FBLN2: variants seen among roughly 807,000 people sequenced by gnomAD.
The protein encoded by FBLN2 is fibulin-2.
FBLN2 carries 81 observed loss-of-function variants against 123.7 expected under a neutral mutation model. That is an observed-to-expected ratio of 0.65 (90% CI 0.55 to 0.79). The LOEUF is 0.79. FBLN2 is among the 30% of genes least tolerant of loss of function. FBLN2 has a pLI of 0.00. For missense variants in FBLN2, 1,603 were observed against 1,681.3 expected (o/e 0.95, Z 0.81); for synonymous variants, 699 against 701.4 (o/e 1.00, Z 0.05).
intron 16 of FBLN2, among the ~76,000 whole-genome samples, chr3:13,634,516 A>G (rs1238460734): frequency 1.3e-5 from 2 of 152,196 alleles, no homozygotes; most frequent in African/African-American, 2.4e-5. Flanking sequence ...CCACCCACAT[A>G]AGCTCCAGGG....
intron 1 of FBLN2, among the ~76,000 whole-genome samples, chr3:13,551,027 C>T (rs543118027): frequency 3.3e-5 from 5 of 152,224 alleles, no homozygotes; most frequent in Non-Finnish European, 7.3e-5. Context: ...TGGTGCTGCC[C>T]ACCCCCAACC....
rs1234577284 is a variant in FBLN2, at chr3:13,621,933, C to A, written c.2296+18C>A. On this transcript the variant is annotated intron_variant, in intron 9 of 17. Coordinates refer to ENST00000404922, the MANE Select transcript of FBLN2 (RefSeq NM_001004019.2). Reference sequence around the variant, plus strand: ...GTGCGTGGGTAAGCCAGGGCCCCGCCTGCCGCCCGCCGTCACAGCTCTCCG... The same window carrying A: ...GTGCGTGGGTAAGCCAGGGCCCCGCATGCCGCCCGCCGTCACAGCTCTCCG... 1 of 1,605,648 alleles carries A rather than the reference C, an allele frequency of 6.2e-7. No individual in the cohort carries two copies. Among genetic ancestry groups the A allele is most frequent in the Admixed American group, 1.7e-5 (1 of 59,768 alleles).
intron 2 of FBLN2, among the ~76,000 whole-genome samples, chr3:13,582,562 G>A (rs1293046206): frequency 1.3e-5 from 2 of 152,198 alleles, no homozygotes; most frequent in Non-Finnish European, 2.9e-5. Flanking sequence ...CTGGGAAAGT[G>A]GGCTTGGGGC....
Position 13,636,557 on chromosome 3 carries a change from A to C in FBLN2, c.3327A>C (p.Gln1109His). ...TCGAGTGTCCTCCCAACTATGTCCAAGTCTCCAAAACGTGAGTGTCCCCAC... is the reference window on the plus strand; with the variant it reads ...TCGAGTGTCCTCCCAACTATGTCCACGTCTCCAAAACGTGAGTGTCCCCAC... ...LRFECPPNYVQVSKTKCERTT... is the reference protein window; with the variant it reads ...LRFECPPNYVHVSKTKCERTT... The change falls in exon 17 of 18, where the codon CAA (glutamine) becomes CAC (histidine). Residue 1109 changes from glutamine (Q) to histidine (H), a missense_variant. Coordinates refer to ENST00000404922, the MANE Select transcript of FBLN2 (RefSeq NM_001004019.2). 1.2e-6 allele frequency: 2 copies of C among 1,613,354 alleles called. No individual in the cohort carries two copies. The highest frequency in any genetic ancestry group is 1.7e-6 in the Non-Finnish European group (2 of 1,179,666).
chr3:13,636,696 CTG>C, intron 17 of FBLN2, 128 bp downstream of exon 17: 2 of 1,188,750 alleles, frequency 1.7e-6, no homozygotes, highest in Non-Finnish European at 2.3e-6. Flanking sequence ...ACTGCTGGGT[CTG>C]TGGGCTAGGT....
chr3:13,615,004 CCATCCATCCATCCATCCATG>C (rs1462500015), intron 5 of FBLN2, among the ~76,000 whole-genome samples: 1 of 150,512 alleles, frequency 6.6e-6, no homozygotes, highest in Non-Finnish European at 1.5e-5. Flanking sequence ...ATCCATCCAT[CCATCCATCCATCCATCCATG>C]CATCCATCCT....
At position 13,570,602 on chromosome 3, in the gene FBLN2, G is replaced by A. The variant is rs372790466; in HGVS notation, c.247G>A (p.Val83Met). 2.2e-5 allele frequency: 35 copies of A among 1,575,054 alleles called. No individual in the cohort carries two copies. The highest frequency in any genetic ancestry group is 7.0e-5 in the South Asian group (6 of 86,242). ...ACAGGGTGGCTTCGTGCGCGGCCGC[G>A]TGCCCGCCGGTCAGTCCTATTTTGT... ...CLQGGFVRGR[V>M]PAGQSYFVDF... The change falls in exon 2 of 18, where the codon GTG becomes ATG. Residue 83 changes from valine (V) to methionine (M), a missense_variant. By Grantham distance (21) the Val-to-Met change is conservative (BLOSUM62 1). Coordinates refer to ENST00000404922, the MANE Select transcript of FBLN2 (RefSeq NM_001004019.2).
rs182311607 is a variant in FBLN2, at chr3:13,585,800, A to C, written c.1306+14139A>C. Among the ~76,000 whole-genome samples the C allele has an allele frequency of 3.3e-5, 5 of 152,328 alleles. No individual in the cohort carries two copies. The South Asian group carries it at 6.2e-4, about 19-fold the overall frequency. On this transcript the variant is annotated intron_variant, in intron 2 of 17. Transcript: ENST00000404922. ...GAGTGAAACTCTGTCTCAAAAAAGC[A>C]AAACAAAACAAAACAAAAAGCCTAG...
At chr3:13,619,345 G>A (rs193259771) in intron 7 of FBLN2, among the ~76,000 whole-genome samples, 1 of 152,076 alleles carries the variant, frequency 6.6e-6, no homozygotes, top group Admixed American at 6.5e-5. Context: ...TCAGCGCTGT[G>A]TAGAAAGTCC....
intron 2 of FBLN2, among the ~76,000 whole-genome samples, chr3:13,582,742 C>T (rs115709545): frequency 0.027 from 4,090 of 152,338 alleles, 93 homozygotes; most frequent in Middle Eastern, 0.11. Flanking sequence ...GAGGAGCAGG[C>T]GGGCTAACGG....
intron 2 of FBLN2, among the ~76,000 whole-genome samples, chr3:13,581,625 C>T (rs1704334883): frequency 6.6e-6 from 1 of 152,160 alleles, no homozygotes; most frequent in Non-Finnish European, 1.5e-5. Flanking sequence ...GTCAAGGCTC[C>T]TGGCCACGAG....
intron 8 of FBLN2, 56 bp downstream of exon 8, chr3:13,619,887 G>A (rs1330885411): frequency 2.8e-6 from 4 of 1,411,638 alleles, no homozygotes; most frequent in South Asian, 2.5e-5. Flanking sequence ...CCTGTGATGG[G>A]GGCCTCCAGG....
At chr3:13,582,877 G>A (rs1168062215) in intron 2 of FBLN2, among the ~76,000 whole-genome samples, 1 of 152,260 alleles carries the variant, frequency 6.6e-6, no homozygotes, top group Non-Finnish European at 1.5e-5. Flanking sequence ...TCTTCAAACA[G>A]ATGTAGATGT....
rs1471217553 is a variant in FBLN2 at position 13,549,616 on chromosome 3, G to C, written c.-42+408G>C. On this transcript the variant is annotated intron_variant, in intron 1 of 17. Transcript: ENST00000404922. ...AGGACCTTGCCGCCCCTCCAGTCCA[G>C]AGGGCCGGGTCAACCCCCTCGGGGA... Among the ~76,000 whole-genome samples the C allele has an allele frequency of 6.2e-5, 6 of 97,250 alleles. No individual in the cohort carries two copies. In the South Asian group the frequency reaches 1.6e-3, roughly 26 times the overall value. The allele number at this position is 97,250 out of a possible 152,430, so 63.8% of individuals were successfully genotyped here.
At chr3:13,551,427 C>T (rs1448258606) in intron 1 of FBLN2, among the ~76,000 whole-genome samples, 2 of 152,178 alleles carry the variant, frequency 1.3e-5, no homozygotes, top group Non-Finnish European at 2.9e-5. Context: ...CTTTTCTTCC[C>T]AGATCCCGAC....
At position 13,618,372 on chromosome 3, in the gene FBLN2, G is replaced by A. The variant is rs897106886; in HGVS notation, c.1939+87G>A. 26 of 1,246,086 alleles carry A rather than the reference G, an allele frequency of 2.1e-5. No homozygotes were observed. In the South Asian group the frequency reaches 2.9e-4, roughly 14 times the overall value. The allele number at this position is 1,246,086 out of a possible 1,614,324, so 77.2% of individuals were successfully genotyped here. On this transcript the variant is annotated intron_variant, in intron 6 of 17. Transcript: ENST00000404922. Reference sequence around the variant, plus strand: ...GCATTCCTGGGGTGCACACTGTGGGGTCCTTCACTTCCTGTTACCCCACAA... The same window carrying A: ...GCATTCCTGGGGTGCACACTGTGGGATCCTTCACTTCCTGTTACCCCACAA...
intron 16 of FBLN2, among the ~76,000 whole-genome samples, chr3:13,635,596 A>G (rs1019803676): frequency 1.3e-5 from 2 of 151,702 alleles, no homozygotes; most frequent in African/African-American, 2.4e-5. Context: ...TTGCACATGT[A>G]TGTTTGCTTC....
At chr3:13,632,696 TG>T (rs1706297680) in intron 16 of FBLN2, among the ~76,000 whole-genome samples, 1 of 152,106 alleles carries the variant, frequency 6.6e-6, no homozygotes, top group African/African-American at 2.4e-5. Flanking sequence ...GAGTCCTTTG[TG>T]TGGGTGGATG....
chr3:13,590,923 A>G (rs962687869), intron 2 of FBLN2, among the ~76,000 whole-genome samples: 1 of 152,234 alleles, frequency 6.6e-6, no homozygotes. Flanking sequence ...TGTTGGATAC[A>G]TACTGAGGAC....
Sources: allele counts gnomAD v4.1 joint callset (sites outside exome capture counted in the v4.1 genomes callset), GRCh38; gene constraint gnomAD v4.1.1; transcripts MANE v1.5; gene names NCBI Gene and HGNC (gene_info 2026-07-23, HGNC 2026-07-21).